PIGF: variants seen among roughly 807,000 people sequenced by gnomAD.
PIGF encodes phosphatidylinositol glycan anchor biosynthesis class F, also known as GPI ethanolamine phosphate transferase, stabilizing subunit.
In PIGF, 23 loss-of-function variants were observed where a neutral mutation model predicts 26.0. The observed-to-expected ratio is 0.88, with a 90% CI of 0.64 to 1.25. The LOEUF is 1.25. Ranked by LOEUF, PIGF falls within the 50% of genes most tolerant of loss-of-function variation. The pLI is 0.00. For missense variants in PIGF, 278 were observed against 249.9 expected (o/e 1.11, Z -0.76); for synonymous variants, 93 against 92.6 (o/e 1.00, Z -0.03).
At chr2:46,609,499 C>T (rs1670336601) in intron 4 of PIGF, among the ~76,000 whole-genome samples, 1 of 152,208 alleles carries the variant, frequency 6.6e-6, no homozygotes, top group South Asian at 2.1e-4. Flanking sequence ...GGCTATTTGG[C>T]ACAAGGGGCT....
intron 4 of PIGF, among the ~76,000 whole-genome samples, chr2:46,612,004 C>T (rs1670436014): frequency 6.7e-6 from 1 of 150,152 alleles, no homozygotes; most frequent in African/African-American, 2.4e-5. Flanking sequence ...GGAATTCTAC[C>T]ATACAGAAAA....
At chr2:46,602,197 T>C (rs1455805578) in intron 4 of PIGF, among the ~76,000 whole-genome samples, 1 of 151,948 alleles carries the variant, frequency 6.6e-6, no homozygotes, top group African/African-American at 2.4e-5. Context: ...ATTCTTTTGT[T>C]TTGTTTTCCT....
At position 46,613,704 on chromosome 2, in the gene PIGF, G is replaced by A; in HGVS notation, c.310C>T (p.Pro104Ser). 1 of 1,544,018 alleles carries A rather than the reference G, an allele frequency of 6.5e-7. No individual in the cohort carries two copies. The highest frequency in any genetic ancestry group is 1.2e-5 in the South Asian group (1 of 83,962). The change falls in exon 3 of 6, where the codon CCA becomes TCA. Residue 104 changes from proline to serine, a missense_variant. By Grantham distance (74) the Pro-to-Ser change is moderately conservative. Coordinates refer to ENST00000281382, the MANE Select transcript of PIGF (RefSeq NM_002643.4). Reference protein sequence around the residue: ...FHVIFVLYGAPLIELALETFL... With the variant: ...FHVIFVLYGASLIELALETFL... The stretch of plus-strand genomic sequence containing the variant: ...AAATTTCAAACTTACTCTATCAGTG[G>A]TGCTCCATACAGAACAAAAATTACA...
chr2:46,605,293 T>C (rs919491299), intron 4 of PIGF, among the ~76,000 whole-genome samples: 3 of 152,228 alleles, frequency 2.0e-5, no homozygotes, highest in Non-Finnish European at 2.9e-5. Flanking sequence ...CTAACTCTAG[T>C]GTATGGTGGA....
At chr2:46,600,636 C>G (rs75304100) in intron 4 of PIGF, among the ~76,000 whole-genome samples, 1 of 152,038 alleles carries the variant, frequency 6.6e-6, no homozygotes, top group South Asian at 2.1e-4. Flanking sequence ...CACTACCAGC[C>G]TGAGGATAAT....
At position 46,604,857 on chromosome 2, in the gene PIGF, A is replaced by G. The variant is rs1251538937; in HGVS notation, c.437+7371T>C. On this transcript the variant is annotated intron_variant, in intron 4 of 5. Transcript: ENST00000281382. Reference sequence around the variant, plus strand: ...TGTACATTTAAAAATAACTAAGAGTATAATTGGATTGCTTGTACAACCATA... The same window carrying G: ...TGTACATTTAAAAATAACTAAGAGTGTAATTGGATTGCTTGTACAACCATA... Among the ~76,000 whole-genome samples, 3 of 152,028 alleles carry G rather than the reference A, an allele frequency of 2.0e-5. No individual in the cohort carries two copies. The East Asian group carries it at 5.8e-4, about 29-fold the overall frequency.
chr2:46,590,725 G>C (rs1367989321), intron 5 of PIGF, among the ~76,000 whole-genome samples: 2 of 152,150 alleles, frequency 1.3e-5, no homozygotes, highest in East Asian at 1.9e-4. Flanking sequence ...ATGACATCAA[G>C]TATGGATGAC....
At chr2:46,593,908 C>G (rs924077250) in intron 4 of PIGF, among the ~76,000 whole-genome samples, 2 of 152,190 alleles carry the variant, frequency 1.3e-5, no homozygotes, top group African/African-American at 4.8e-5. Flanking sequence ...ACAAACCAAT[C>G]CCTCTATCAT....
At chr2:46,610,625 G>C (rs890042972) in intron 4 of PIGF, among the ~76,000 whole-genome samples, 3 of 151,018 alleles carry the variant, frequency 2.0e-5, no homozygotes, top group Non-Finnish European at 2.9e-5. Context: ...CGCCTCCTGG[G>C]TTCAAGCAAT....
chr2:46,599,527 C>G (rs1405527056), intron 4 of PIGF, among the ~76,000 whole-genome samples: 1 of 152,126 alleles, frequency 6.6e-6, no homozygotes, highest in South Asian at 2.1e-4. Flanking sequence ...TTGATTAGCT[C>G]AAACCTTTCT....
intron 4 of PIGF, among the ~76,000 whole-genome samples, chr2:46,597,798 T>C (rs996384714): frequency 2.0e-5 from 3 of 152,216 alleles, no homozygotes; most frequent in East Asian, 3.8e-4. Context: ...CCGTCCTCTG[T>C]AGGTATCATG....
At chr2:46,610,915 T>C (rs1190300560) in intron 4 of PIGF, among the ~76,000 whole-genome samples, 1 of 152,228 alleles carries the variant, frequency 6.6e-6, no homozygotes, top group Non-Finnish European at 1.5e-5. Flanking sequence ...CATTGGGCTG[T>C]TACCTTTCAA....
chr2:46,597,682 G>A (rs1044289691), intron 4 of PIGF, among the ~76,000 whole-genome samples: 1 of 152,154 alleles, frequency 6.6e-6, no homozygotes, highest in African/African-American at 2.4e-5. Context: ...AAAGTGCTGG[G>A]ATTATAGGCG....
At chr2:46,615,774 A>C (rs1446506559) in intron 1 of PIGF, 1 of 152,294 alleles carries the variant, frequency 6.6e-6, no homozygotes, top group Non-Finnish European at 1.5e-5. Flanking sequence ...AGAGCACCAC[A>C]CTAAACCAAG....
chr2:46,581,499 T>C lies in PIGF; in HGVS notation c.639A>G (p.Gln213=), dbSNP rs775502314. 4 of 1,611,404 alleles carry C rather than the reference T, an allele frequency of 2.5e-6. No individual in the cohort carries two copies. The highest frequency in any genetic ancestry group is 2.2e-5 in the East Asian group (1 of 44,870). Residue 213 remains glutamine (Q), a synonymous_variant, in exon 6 of 6, where the codon CAA becomes CAG. Transcript: ENST00000281382. ...SPLWIYWNRK[Q]LTYKNN ...CCAGTTAATTGTTCTTGTATGTAAG[T>C]TGCTTTCTATTCCAGTATATCCAGA...
At chr2:46,604,978 A>G (rs1250916951) in intron 4 of PIGF, among the ~76,000 whole-genome samples, 1 of 152,190 alleles carries the variant, frequency 6.6e-6, no homozygotes, top group Admixed American at 6.5e-5. Context: ...AGAAATGTAT[A>G]TATCTACTAT....
Position 46,581,349 on chromosome 2 carries a change from G to A in PIGF, c.*129C>T. 7.1e-7 allele frequency: 1 copy of A among 1,399,334 alleles called. No individual in the cohort carries two copies. The highest frequency in any genetic ancestry group is 9.5e-7 in the Non-Finnish European group (1 of 1,047,228). 86.7% of individuals were successfully genotyped at this position (1,399,334 alleles called of 1,614,324 possible). On this transcript the variant is annotated 3_prime_UTR_variant, in exon 6 of 6. Transcript: ENST00000281382. The stretch of plus-strand genomic sequence containing the variant: ...TCTCAGGGGTTTCATAGTTTAAAAA[G>A]CTACAATCACATCATGTTGTAACTA...
intron 4 of PIGF, among the ~76,000 whole-genome samples, chr2:46,602,905 GGAAA>G (rs921090934): frequency 5.4e-4 from 82 of 151,834 alleles, no homozygotes; most frequent in African/African-American, 2.0e-3. Flanking sequence ...CATCCAAATT[GGAAA>G]GAAAGAAGTC....
rs1294842052 is a variant in PIGF, at chr2:46,592,498, G to T, written c.523C>A (p.Leu175Met). 1 of 1,597,616 alleles carries T rather than the reference G, an allele frequency of 6.3e-7. No individual in the cohort carries two copies. The highest frequency in any genetic ancestry group is 8.6e-7 in the Non-Finnish European group (1 of 1,164,898). The change falls in exon 5 of 6, where the codon CTG becomes ATG. Residue 175 changes from leucine (L) to methionine (M), a missense_variant. Transcript: ENST00000281382. ...ACCTGCCATGGTCTTTCCCAATCCA[G>T]TGGAATAGGAAGTGCTCCAAGCCAT... is the stretch of plus-strand genomic sequence containing the variant. ...GAWLGALPIP[L>M]DWERPWQVWP...
Sources: gnomAD v4.1 joint callset for allele counts (sites outside exome capture counted in the v4.1 genomes callset) on GRCh38, gnomAD v4.1.1 for gene constraint, MANE v1.5 for transcripts, NCBI Gene and HGNC (gene_info 2026-07-23, HGNC 2026-07-21) for gene names.